FRMPD4: variants seen among roughly 807,000 people sequenced by gnomAD.
The protein encoded by FRMPD4 is FERM and PDZ domain containing 4, also known as FERM and PDZ domain-containing protein 4.
In FRMPD4, 22 loss-of-function variants were observed where a neutral mutation model predicts 94.1. The ratio of observed to expected loss-of-function variants is 0.23; its 90% CI spans 0.17 to 0.33. FRMPD4 has a LOEUF of 0.33. Ranked by LOEUF, FRMPD4 falls within the 10% of genes least tolerant of loss-of-function variation. FRMPD4 has a pLI of 1.00. For missense variants in FRMPD4, 1,111 were observed against 1,339.9 expected (o/e 0.83, Z 2.67); for synonymous variants, 631 against 548.6 (o/e 1.15, Z -2.10).
intron 3 of FRMPD4, among the ~76,000 whole-genome samples, chrX:11,920,336 A>T (rs549010667): frequency 5.9e-4 from 66 of 112,254 alleles, no homozygotes; most frequent in Middle Eastern, 9.2e-3. Context: ...CTATTAAATA[A>T]ATGCAGTGAA....
At chrX:12,303,053 A>G (rs138962340) in intron 1 of FRMPD4, among the ~76,000 whole-genome samples, 1,365 of 111,422 alleles carry the variant, frequency 0.012, 10 homozygotes, top group Middle Eastern at 0.028. Flanking sequence ...GATGTTAGGG[A>G]AGGGGAGAGG....
At chrX:12,034,246 G>A (rs2054708018) in intron 3 of FRMPD4, among the ~76,000 whole-genome samples, 2 of 112,122 alleles carry the variant, frequency 1.8e-5, no homozygotes, top group South Asian at 3.8e-4. Context: ...GTAAGAATTG[G>A]TCAGAGTGGG....
At chrX:12,082,774 A>C (rs2055072466) in intron 3 of FRMPD4, among the ~76,000 whole-genome samples, 1 of 111,629 alleles carries the variant, frequency 9.0e-6, no homozygotes, top group African/African-American at 3.3e-5. Context: ...TAGAGCAAAG[A>C]TGACTCTTGC....
chrX:12,273,155 A>ATTT (rs1305969778), intron 1 of FRMPD4, among the ~76,000 whole-genome samples: 1 of 111,740 alleles, frequency 8.9e-6, no homozygotes, highest in Admixed American at 9.5e-5. Context: ...CCCTTTACCA[A>ATTT]TTTTAGTCTT....
chrX:12,306,760 A>G (rs2054947849), intron 1 of FRMPD4, among the ~76,000 whole-genome samples: 1 of 112,327 alleles, frequency 8.9e-6, no homozygotes, highest in Non-Finnish European at 1.9e-5. Flanking sequence ...TCAGTTTTCC[A>G]GGTAATTATT....
chrX:12,590,588 C>T (rs775048517), intron 2 of FRMPD4, among the ~76,000 whole-genome samples: 5 of 112,091 alleles, frequency 4.5e-5, no homozygotes, highest in Non-Finnish European at 5.6e-5. Flanking sequence ...TTGAATTGAA[C>T]CTTAAAAACA....
At chrX:12,318,506 A>G (rs773274948) in intron 1 of FRMPD4, among the ~76,000 whole-genome samples, 11 of 112,002 alleles carry the variant, frequency 9.8e-5, no homozygotes, top group Non-Finnish European at 1.9e-4. Context: ...CCTGGGTGAC[A>G]GAGCAAGACT....
At chrX:12,281,478 G>A (rs1033431183) in intron 1 of FRMPD4, among the ~76,000 whole-genome samples, 1 of 109,669 alleles carries the variant, frequency 9.1e-6, no homozygotes, top group African/African-American at 3.3e-5. Flanking sequence ...AGATTCAAGC[G>A]ATTCTTGTGC....
intron 3 of FRMPD4, among the ~76,000 whole-genome samples, chrX:11,899,996 C>T: frequency 8.9e-6 from 1 of 112,077 alleles, no homozygotes; most frequent in South Asian, 3.7e-4. Flanking sequence ...TTCCACAGCC[C>T]CTTCTGGAGA....
intron 1 of FRMPD4, among the ~76,000 whole-genome samples, chrX:12,481,953 A>T (rs1602007031): frequency 1.1e-5 from 1 of 93,573 alleles, no homozygotes; most frequent in South Asian, 5.5e-4. Flanking sequence ...AAAAAAAAAA[A>T]AAAAAAAAAA....
intron 1 of FRMPD4, among the ~76,000 whole-genome samples, chrX:12,287,427 T>C (rs758281941): frequency 2.7e-5 from 3 of 111,715 alleles, no homozygotes; most frequent in African/African-American, 9.8e-5. Context: ...AATTTGCAGA[T>C]TGACAGCAGC....
intron 3 of FRMPD4, among the ~76,000 whole-genome samples, chrX:11,908,016 C>G (rs61691201): frequency 9.1e-5 from 10 of 109,896 alleles, no homozygotes; most frequent in African/African-American, 3.0e-4. Context: ...CTGTGTCCTT[C>G]CTCTTCTTTT....
chrX:12,203,646 T>G (rs991482173), intron 1 of FRMPD4, among the ~76,000 whole-genome samples: 9 of 112,278 alleles, frequency 8.0e-5, no homozygotes, highest in African/African-American at 2.6e-4. Context: ...AGAGATGCTG[T>G]CCTGCTTACT....
intron 3 of FRMPD4, among the ~76,000 whole-genome samples, chrX:11,881,472 A>C (rs1164338906): frequency 1.8e-5 from 2 of 112,705 alleles, no homozygotes; most frequent in African/African-American, 6.4e-5. Flanking sequence ...CAGTGATACA[A>C]AGAAGCAAAT....
chrX:11,893,614 G>T (rs1247671766), intron 3 of FRMPD4, among the ~76,000 whole-genome samples: 1 of 111,845 alleles, frequency 8.9e-6, no homozygotes, highest in Non-Finnish European at 1.9e-5. Context: ...AGAATCTTTG[G>T]CTAACTAAAC....
intron 1 of FRMPD4, among the ~76,000 whole-genome samples, chrX:12,161,064 T>TTGC (rs908452283): frequency 9.0e-6 from 1 of 111,654 alleles, no homozygotes; most frequent in Admixed American, 9.6e-5. Flanking sequence ...CCTCCTTCTG[T>TTGC]TGCTGCTGCT....
intron 1 of FRMPD4, among the ~76,000 whole-genome samples, chrX:12,438,675 A>G (rs1194067966): frequency 9.0e-6 from 1 of 111,279 alleles, no homozygotes; most frequent in African/African-American, 3.3e-5. Context: ...TAGGTGCTCA[A>G]TACATATTTG....
At chrX:12,370,680 G>A (rs775346235) in intron 1 of FRMPD4, among the ~76,000 whole-genome samples, 22 of 112,695 alleles carry the variant, frequency 2.0e-4, no homozygotes, top group African/African-American at 6.1e-4. Flanking sequence ...AAAGTATTAC[G>A]TGAGAAGAAG....
chrX:12,534,213 G>A (rs748606586), intron 2 of FRMPD4, among the ~76,000 whole-genome samples: 154 of 113,111 alleles, frequency 1.4e-3, no homozygotes, highest in African/African-American at 4.9e-3. Context: ...GAGCCTGCAA[G>A]TGCACAGAAG....
Sources: allele counts gnomAD v4.1 joint callset (sites outside exome capture counted in the v4.1 genomes callset), GRCh38; gene constraint gnomAD v4.1.1; transcripts MANE v1.5; gene names NCBI Gene and HGNC (gene_info 2026-07-23, HGNC 2026-07-21).